SLC35F1: variants seen among roughly 807,000 people sequenced by gnomAD.
SLC35F1 encodes solute carrier family 35 member F1.
SLC35F1 carries 14 observed loss-of-function variants against 48.7 expected under a neutral mutation model. The ratio of observed to expected loss-of-function variants is 0.29; its 90% CI spans 0.19 to 0.45. SLC35F1 has a LOEUF of 0.45. Ranked by LOEUF, SLC35F1 falls within the 20% of genes least tolerant of loss-of-function variation. The pLI, the probability that SLC35F1 is intolerant of heterozygous loss-of-function variation, is 1.00. For missense variants in SLC35F1, 404 were observed against 500.0 expected, an observed-to-expected ratio of 0.81 and a Z score of 1.83; for synonymous variants, 190 against 202.2, an observed-to-expected ratio of 0.94 and a Z score of 0.51.
At chr6:117,989,468 C>T (rs1776889998) in intron 1 of SLC35F1, among the ~76,000 whole-genome samples, 1 of 152,080 alleles carries the variant, frequency 6.6e-6, no homozygotes, top group South Asian at 2.1e-4. Flanking sequence ...ATTTTTGGTC[C>T]GATTGTCCTA....
At chr6:117,976,173 A>G (rs960778087) in intron 1 of SLC35F1, among the ~76,000 whole-genome samples, 2 of 152,218 alleles carry the variant, frequency 1.3e-5, no homozygotes, top group Admixed American at 6.5e-5. Context: ...TCATGGTGAA[A>G]TAACTGAAGT....
At position 118,235,763 on chromosome 6, in the gene SLC35F1, A is replaced by G. The variant is rs916810548; in HGVS notation, c.477+127A>G. 3 of 864,228 alleles carry G rather than the reference A, an allele frequency of 3.5e-6. No individual in the cohort carries two copies. In the Admixed American group the frequency reaches 9.6e-5, roughly 28 times the overall value. The allele number at this position is 864,228 out of a possible 1,614,324, so 53.5% of individuals were successfully genotyped here. A position where few individuals can be genotyped will look rare whatever the true frequency, so the allele number is the denominator to read the frequency against. On this transcript the variant is annotated intron_variant, in intron 3 of 7. Coordinates refer to ENST00000360388, the MANE Select transcript of SLC35F1 (RefSeq NM_001029858.4). ...TACTATACTATAGTATACAGACTGC[A>G]GTATACAGATTCTGTATACTATAAG...
intron 7 of SLC35F1, among the ~76,000 whole-genome samples, chr6:118,291,036 G>A (rs145054522): frequency 9.1e-4 from 139 of 151,924 alleles, no homozygotes; most frequent in Non-Finnish European, 1.8e-3. Context: ...CTCATGATCC[G>A]CCCACCTTGG....
chr6:117,994,936 C>G (rs372269486), intron 1 of SLC35F1, among the ~76,000 whole-genome samples: 1 of 152,258 alleles, frequency 6.6e-6, no homozygotes, highest in East Asian at 1.9e-4. Context: ...AATGCCAATG[C>G]CTTATCACTC....
intron 2 of SLC35F1, among the ~76,000 whole-genome samples, chr6:118,223,414 G>T (rs568352360): frequency 1.3e-5 from 2 of 152,206 alleles, no homozygotes; most frequent in African/African-American, 2.4e-5. Flanking sequence ...CAAGTAAGTG[G>T]TGCTTGCCTC....
At chr6:118,184,151 C>T (rs1242196412) in intron 2 of SLC35F1, among the ~76,000 whole-genome samples, 3 of 152,138 alleles carry the variant, frequency 2.0e-5, no homozygotes, top group Non-Finnish European at 4.4e-5. Flanking sequence ...ACACAAGTAA[C>T]AATATAACAT....
At chr6:118,038,721 A>C (rs1308055128) in intron 1 of SLC35F1, among the ~76,000 whole-genome samples, 1 of 152,118 alleles carries the variant, frequency 6.6e-6, no homozygotes. Context: ...TCCTGGAGTC[A>C]AGTGTGTCTT....
At chr6:118,166,369 C>G (rs921964549) in intron 2 of SLC35F1, among the ~76,000 whole-genome samples, 1 of 152,082 alleles carries the variant, frequency 6.6e-6, no homozygotes, top group Admixed American at 6.6e-5. Flanking sequence ...CTACTGGGGC[C>G]TTACCAGATT....
At chr6:118,207,303 A>G (rs1774947743) in intron 2 of SLC35F1, among the ~76,000 whole-genome samples, 1 of 152,246 alleles carries the variant, frequency 6.6e-6, no homozygotes, top group Non-Finnish European at 1.5e-5. Flanking sequence ...TAGTCACTGA[A>G]GGTTAGTAAA....
At chr6:118,108,708 G>A (rs1773357194) in intron 1 of SLC35F1, among the ~76,000 whole-genome samples, 1 of 152,048 alleles carries the variant, frequency 6.6e-6, no homozygotes, top group South Asian at 2.1e-4. Context: ...GAATTGTTTG[G>A]AGCTCAGTTA....
At chr6:118,230,405 CAATTAGAA>C (rs1775277477) in intron 2 of SLC35F1, among the ~76,000 whole-genome samples, 3 of 151,024 alleles carry the variant, frequency 2.0e-5, no homozygotes, top group African/African-American at 7.3e-5. Flanking sequence ...AAATTAGAAC[CAATTAGAA>C]GTCTATCAGT....
chr6:118,246,831 T>C (rs936528648), intron 3 of SLC35F1, among the ~76,000 whole-genome samples: 3 of 152,192 alleles, frequency 2.0e-5, no homozygotes, highest in Admixed American at 2.0e-4. Context: ...ATTTTTATCC[T>C]GCCACCAGCT....
At chr6:117,975,231 C>T (rs1776690859) in intron 1 of SLC35F1, among the ~76,000 whole-genome samples, 1 of 152,120 alleles carries the variant, frequency 6.6e-6, no homozygotes, top group Admixed American at 6.5e-5. Context: ...GTGCTAATGC[C>T]CATCCTCAAA....
Position 118,154,611 on chromosome 6 carries a change from G to A in SLC35F1, c.340G>A (p.Val114Ile), listed in dbSNP as rs1365715791. ...LFLVYTTTLA[V>I]RQGEENLLAI... ...CTTGGTCTATACCACCACACTAGCC[G>A]TCAGACAAGGTAAGCTCACAAAAGC... The change falls in exon 2 of 8, where the codon GTC becomes ATC. Residue 114 changes from valine (V) to isoleucine (I), a missense_variant. Transcript: ENST00000360388. 4 of 1,607,570 alleles carry A rather than the reference G, an allele frequency of 2.5e-6. No individual in the cohort carries two copies. The highest frequency in any genetic ancestry group is 2.5e-6 in the Non-Finnish European group (3 of 1,176,756).
intron 7 of SLC35F1, among the ~76,000 whole-genome samples, chr6:118,302,737 G>A (rs558331978): frequency 6.6e-5 from 10 of 151,960 alleles, no homozygotes; most frequent in Admixed American, 5.9e-4. Context: ...ATTTTAAAAA[G>A]GAAAAAGAAA....
At chr6:118,261,641 T>C (rs898344292) in intron 3 of SLC35F1, among the ~76,000 whole-genome samples, 10 of 152,298 alleles carry the variant, frequency 6.6e-5, no homozygotes, top group African/African-American at 2.4e-4. Flanking sequence ...ATCTCTCCTT[T>C]AATTCTTGAA....
chr6:118,289,878 T>C (rs17422275), intron 7 of SLC35F1, among the ~76,000 whole-genome samples: 9,869 of 152,314 alleles, frequency 0.065, 407 homozygotes, highest in Middle Eastern at 0.13. Context: ...TGTACTATTA[T>C]TTTAATGGCT....
intron 1 of SLC35F1, among the ~76,000 whole-genome samples, chr6:117,994,062 C>T (rs1050906851): frequency 2.0e-5 from 3 of 152,032 alleles, no homozygotes; most frequent in African/African-American, 4.8e-5. Context: ...GGGGAGAATC[C>T]ACTTCTAAGC....
At chr6:118,213,250 A>G (rs1282935404) in intron 2 of SLC35F1, among the ~76,000 whole-genome samples, 3 of 152,226 alleles carry the variant, frequency 2.0e-5, no homozygotes, top group African/African-American at 2.4e-5. Context: ...GCCCTGTACT[A>G]GCAGTCATTT....
Sources: gnomAD v4.1 joint callset for allele counts (sites outside exome capture counted in the v4.1 genomes callset) on GRCh38, gnomAD v4.1.1 for gene constraint, MANE v1.5 for transcripts, NCBI Gene and HGNC (gene_info 2026-07-23, HGNC 2026-07-21) for gene names.